SAMSN1: variants seen among roughly 807,000 people sequenced by gnomAD.
SAMSN1 encodes SAM domain, SH3 domain and nuclear localization signals 1, also known as SAM domain-containing protein SAMSN-1.
A neutral mutation model predicts 42.0 loss-of-function variants in SAMSN1; 31 were observed. The ratio of observed to expected loss-of-function variants is 0.74; its 90% CI spans 0.55 to 1.00. The LOEUF (loss-of-function observed/expected upper bound fraction) is 1.00. SAMSN1 is among the 50% of genes least tolerant of loss of function. The pLI, the probability that SAMSN1 is intolerant of heterozygous loss-of-function variation, is 0.00. For synonymous variants in SAMSN1, 178 were observed against 151.9 expected, an observed-to-expected ratio of 1.17 and a Z score of -1.26; for missense variants, 464 against 439.4, an observed-to-expected ratio of 1.06 and a Z score of -0.50.
intron 7 of SAMSN1, among the ~76,000 whole-genome samples, chr21:14,491,984 G>A (rs1283995474): frequency 5.0e-5 from 7 of 139,732 alleles, no homozygotes; most frequent in South Asian, 5.0e-4. Flanking sequence ...TAAACAGCAC[G>A]CTATATCATT....
intron 2 of SAMSN1, among the ~76,000 whole-genome samples, chr21:14,579,485 A>G (rs1413649606): frequency 1.3e-5 from 2 of 152,226 alleles, no homozygotes; most frequent in Admixed American, 6.5e-5. Context: ...AGCTTTGGCT[A>G]TAAGAACAGC....
chr21:14,645,199 C>A (rs1389620748), intron 1 of SAMSN1, among the ~76,000 whole-genome samples: 2 of 152,198 alleles, frequency 1.3e-5, no homozygotes, highest in Non-Finnish European at 2.9e-5. Flanking sequence ...TTACAGCAGG[C>A]CTTGGGCAAG....
exon 5 of SAMSN1, chr21:14,609,498 C>G (rs1248969913): frequency 2.8e-6 from 2 of 717,816 alleles, no homozygotes; most frequent in Non-Finnish European, 5.2e-6. Flanking sequence ...GCTGACAGGG[C>G]CTTCTGATGT....
At chr21:14,492,248 T>G (rs1021613979) in intron 7 of SAMSN1, among the ~76,000 whole-genome samples, 3 of 152,226 alleles carry the variant, frequency 2.0e-5, no homozygotes, top group African/African-American at 4.8e-5. Context: ...AAAAATGTAC[T>G]TATTTACACT....
intron 2 of SAMSN1, among the ~76,000 whole-genome samples, chr21:14,635,371 C>G (rs1310027649): frequency 4.6e-5 from 7 of 152,046 alleles, no homozygotes; most frequent in Non-Finnish European, 8.8e-5. Context: ...AAAGAAAACC[C>G]TGAAATATGA....
chr21:14,593,785 A>G (rs1982163915), intron 7 of SAMSN1: 3 of 334,000 alleles, frequency 9.0e-6, no homozygotes, highest in South Asian at 1.1e-4. Flanking sequence ...AAAATTTTTT[A>G]TATAACAACC....
intron 2 of SAMSN1, among the ~76,000 whole-genome samples, chr21:14,553,100 CT>C (rs1980652239): frequency 6.6e-6 from 1 of 151,284 alleles, no homozygotes; most frequent in Non-Finnish European, 1.5e-5. Context: ...AATATATTTT[CT>C]TGATTTATGC....
intron 3 of SAMSN1, chr21:14,615,854 T>A (rs1034566544): frequency 1.2e-5 from 4 of 335,730 alleles, no homozygotes; most frequent in African/African-American, 6.1e-5. Context: ...GATTTGTACA[T>A]GACAGCTGCA....
intron 2 of SAMSN1, among the ~76,000 whole-genome samples, chr21:14,566,865 T>A (rs1981136724): frequency 6.6e-6 from 1 of 152,228 alleles, no homozygotes; most frequent in South Asian, 2.1e-4. Flanking sequence ...TGAGCCATGT[T>A]AGTGTTATCC....
intron 5 of SAMSN1, among the ~76,000 whole-genome samples, chr21:14,604,731 A>G (rs1982520600): frequency 6.6e-6 from 1 of 152,222 alleles, no homozygotes; most frequent in African/African-American, 2.4e-5. Flanking sequence ...AAGGCCACAT[A>G]CATGTTCTGT....
intron 1 of SAMSN1, among the ~76,000 whole-genome samples, chr21:14,544,187 A>G (rs931295311): frequency 1.3e-5 from 2 of 152,192 alleles, no homozygotes; most frequent in Non-Finnish European, 2.9e-5. Flanking sequence ...AATAGCTGGT[A>G]CTACATGCAC....
At chr21:14,495,045 C>T (rs1986859012) in intron 7 of SAMSN1, among the ~76,000 whole-genome samples, 1 of 152,196 alleles carries the variant, frequency 6.6e-6, no homozygotes, top group Non-Finnish European at 1.5e-5. Flanking sequence ...TATTGCCATT[C>T]CTCAAACTGA....
At chr21:14,578,435 A>C (rs1192254896) in intron 2 of SAMSN1, among the ~76,000 whole-genome samples, 2 of 152,060 alleles carry the variant, frequency 1.3e-5, no homozygotes, top group Admixed American at 1.3e-4. Flanking sequence ...ACTCTGATGT[A>C]ATAATAGAAT....
intron 3 of SAMSN1, 83 bp downstream of exon 3, chr21:14,516,809 G>A (rs1209868977): frequency 8.7e-7 from 1 of 1,155,382 alleles, no homozygotes; most frequent in Non-Finnish European, 1.2e-6. Flanking sequence ...ACTTCATAAA[G>A]TACCAAGCAC....
At chr21:14,486,135 C>A in intron 7 of SAMSN1, 21 bp from the exon 8 acceptor site, 1 of 1,574,078 alleles carries the variant, frequency 6.4e-7, no homozygotes, top group African/African-American at 1.3e-5. Flanking sequence ...AAAAAAAGGG[C>A]AGGAGTTAGG....
intron 7 of SAMSN1, among the ~76,000 whole-genome samples, chr21:14,486,513 TA>T (rs908102135): frequency 1.4e-4 from 21 of 152,294 alleles, no homozygotes; most frequent in African/African-American, 1.9e-4. Flanking sequence ...ATTTATAGTT[TA>T]AATGCACAAT....
chr21:14,523,889 G>A (rs940908773), intron 1 of SAMSN1, among the ~76,000 whole-genome samples: 1 of 152,108 alleles, frequency 6.6e-6, no homozygotes, highest in African/African-American at 2.4e-5. Flanking sequence ...GCAGATTTAG[G>A]AGTCGTGGTT....
At chr21:14,633,304 T>G (rs1039715762) in intron 2 of SAMSN1, among the ~76,000 whole-genome samples, 4 of 152,098 alleles carry the variant, frequency 2.6e-5, no homozygotes, top group East Asian at 1.9e-4. Context: ...CTTTTAAAAT[T>G]TTGCCTTCTG....
chr21:14,619,692 T>C (rs1229860263), intron 2 of SAMSN1: 1 of 320,812 alleles, frequency 3.1e-6, no homozygotes, highest in Non-Finnish European at 6.6e-6. Context: ...AAAAGAGAGA[T>C]TAGCAAGATA....
Sources: allele counts gnomAD v4.1 joint callset (sites outside exome capture counted in the v4.1 genomes callset), GRCh38; gene constraint gnomAD v4.1.1; transcripts MANE v1.5; gene names NCBI Gene and HGNC (gene_info 2026-07-23, HGNC 2026-07-21).